CNTNAP2: variants seen among roughly 807,000 people sequenced by gnomAD.
CNTNAP2 encodes the protein contactin associated protein 2.
A neutral mutation model predicts 155.2 loss-of-function variants in CNTNAP2; 98 were observed. That is an observed-to-expected ratio of 0.63 (90% CI 0.54 to 0.75). CNTNAP2 has a LOEUF of 0.75. CNTNAP2 is among the 30% of genes least tolerant of loss of function. The probability of loss-of-function intolerance (pLI) is 0.00; values close to 1 mark genes in which losing one functional copy is unlikely to be tolerated. For synonymous variants in CNTNAP2, 651 were observed against 631.2 expected (o/e 1.03, Z -0.47); for missense variants, 1,727 against 1,688.1 (o/e 1.02, Z -0.40).
chr7:148,105,822 G>A (rs1009136043), intron 15 of CNTNAP2, among the ~76,000 whole-genome samples: 1 of 152,032 alleles, frequency 6.6e-6, no homozygotes, highest in African/African-American at 2.4e-5. Context: ...CCTGACCTCA[G>A]GTGATCCACC....
At chr7:146,536,782 G>T (rs144785474) in intron 1 of CNTNAP2, among the ~76,000 whole-genome samples, 1 of 152,046 alleles carries the variant, frequency 6.6e-6, no homozygotes, top group African/African-American at 2.4e-5. Context: ...TTCATTAGAC[G>T]CTGTGATTGT....
intron 1 of CNTNAP2, among the ~76,000 whole-genome samples, chr7:146,213,815 A>G (rs1428683038): frequency 6.6e-6 from 1 of 152,194 alleles, no homozygotes; most frequent in Non-Finnish European, 1.5e-5. Context: ...AATAAACTAA[A>G]TTTGGTAAAT....
intron 18 of CNTNAP2, among the ~76,000 whole-genome samples, chr7:148,187,973 C>A (rs1425084332): frequency 6.6e-6 from 1 of 152,062 alleles, no homozygotes; most frequent in African/African-American, 2.4e-5. Context: ...CACCACCCCA[C>A]CATCCCCGCA....
intron 13 of CNTNAP2, among the ~76,000 whole-genome samples, chr7:147,806,193 G>A (rs1798087759): frequency 6.6e-6 from 1 of 152,130 alleles, no homozygotes; most frequent in African/African-American, 2.4e-5. Flanking sequence ...GAAAATAGCT[G>A]AGTAGACATT....
chr7:147,814,723 T>C (rs1798238913), intron 13 of CNTNAP2, among the ~76,000 whole-genome samples: 1 of 152,196 alleles, frequency 6.6e-6, no homozygotes, highest in Non-Finnish European at 1.5e-5. Flanking sequence ...ACAAGAGGTA[T>C]TTCAGAAGAT....
chr7:148,062,011 T>TAGATGATAGAGAGAGAGAG (rs1803163415), intron 15 of CNTNAP2, among the ~76,000 whole-genome samples: 2 of 84,182 alleles, frequency 2.4e-5, no homozygotes, highest in African/African-American at 9.5e-5. Context: ...AGATAGATGA[T>TAGATGATAGAGAGAGAGAG]AGAGAGAGAG....
intron 3 of CNTNAP2, among the ~76,000 whole-genome samples, chr7:146,964,962 A>C (rs928171434): frequency 1.4e-4 from 21 of 152,274 alleles, no homozygotes; most frequent in East Asian, 1.2e-3. Flanking sequence ...AATTTATAAA[A>C]AAAACAAAAC....
intron 3 of CNTNAP2, among the ~76,000 whole-genome samples, chr7:146,872,576 A>G (rs148558554): frequency 1.4e-4 from 22 of 152,300 alleles, no homozygotes; most frequent in Non-Finnish European, 3.2e-4. Flanking sequence ...ATGAAGTTTT[A>G]ATTAGTTCTC....
intron 21 of CNTNAP2, among the ~76,000 whole-genome samples, chr7:148,297,443 CTG>C (rs1797306507): frequency 6.6e-6 from 1 of 152,166 alleles, no homozygotes; most frequent in South Asian, 2.1e-4. Context: ...AGGAGCCCAC[CTG>C]TAGTAGAACA....
intron 18 of CNTNAP2, among the ~76,000 whole-genome samples, chr7:148,201,260 T>G (rs1483907102): frequency 6.6e-6 from 1 of 152,192 alleles, no homozygotes; most frequent in Non-Finnish European, 1.5e-5. Flanking sequence ...GACATGCAGA[T>G]CTTTGCTAGG....
At chr7:147,198,729 T>A (rs71530773) in intron 8 of CNTNAP2, among the ~76,000 whole-genome samples, 12,908 of 152,238 alleles carry the variant, frequency 0.085, 571 homozygotes, top group Non-Finnish European at 0.11. Context: ...TGATAGTTTG[T>A]CATATGAATA....
At chr7:146,619,930 G>A (rs988686333) in intron 1 of CNTNAP2, among the ~76,000 whole-genome samples, 2 of 152,004 alleles carry the variant, frequency 1.3e-5, no homozygotes, top group African/African-American at 2.4e-5. Context: ...AGAATTCTAC[G>A]TGTTAAAGAT....
rs1015895282 is a variant in CNTNAP2, at chr7:147,205,767, A to G, written c.1348+73258A>G. Among the ~76,000 whole-genome samples the G allele has an allele frequency of 3.3e-5, 5 of 152,118 alleles. No individual in the cohort carries two copies. The East Asian group carries it at 5.8e-4, about 18-fold the overall frequency. The stretch of plus-strand genomic sequence containing the variant: ...GAAGGGAAAGAGGAGAAGGTGATTA[A>G]GAAGAGTTGCTTAATGAGTCAAACA... On this transcript the variant is annotated intron_variant, in intron 8 of 23. Coordinates refer to ENST00000361727, the MANE Select transcript of CNTNAP2 (RefSeq NM_014141.6).
chr7:146,166,754 G>A (rs894453072), intron 1 of CNTNAP2, among the ~76,000 whole-genome samples: 12 of 152,128 alleles, frequency 7.9e-5, no homozygotes, highest in Non-Finnish European at 2.9e-5. Context: ...GATCAGAATC[G>A]AGTTAGAAGT....
At chr7:146,605,009 G>A (rs944505422) in intron 1 of CNTNAP2, among the ~76,000 whole-genome samples, 6 of 142,314 alleles carry the variant, frequency 4.2e-5, no homozygotes, top group African/African-American at 1.5e-4. Context: ...CACCAGCATG[G>A]CACATGTATA....
At chr7:147,402,619 A>T (rs1050887841) in intron 10 of CNTNAP2, among the ~76,000 whole-genome samples, 5 of 152,230 alleles carry the variant, frequency 3.3e-5, no homozygotes, top group Admixed American at 3.3e-4. Context: ...CAGCCATCTA[A>T]GCATTTTATA....
intron 1 of CNTNAP2, among the ~76,000 whole-genome samples, chr7:146,382,355 A>G (rs990009256): frequency 6.6e-6 from 1 of 152,222 alleles, no homozygotes; most frequent in African/African-American, 2.4e-5. Context: ...AATAATTTTC[A>G]TGATAGGCAG....
At chr7:147,459,808 A>G (rs760708486) in intron 10 of CNTNAP2, among the ~76,000 whole-genome samples, 55 of 152,322 alleles carry the variant, frequency 3.6e-4, no homozygotes, top group African/African-American at 1.2e-3. Context: ...AATTTGTTAC[A>G]GAAACAGTCG....
chr7:147,762,211 A>T (rs1274760944), intron 13 of CNTNAP2, among the ~76,000 whole-genome samples: 2 of 151,336 alleles, frequency 1.3e-5, no homozygotes, highest in African/African-American at 2.4e-5. Flanking sequence ...CAGAAACAAC[A>T]TAAGAAAAGT....
Sources: allele counts gnomAD v4.1 joint callset (sites outside exome capture counted in the v4.1 genomes callset), GRCh38; gene constraint gnomAD v4.1.1; transcripts MANE v1.5; gene names NCBI Gene and HGNC (gene_info 2026-07-23, HGNC 2026-07-21).